Variants in RUNX1T1 observed in about 807,000 individuals in gnomAD.
RUNX1T1 encodes the protein protein CBFA2T1.
Under a neutral mutation model 62.8 loss-of-function variants are expected in RUNX1T1, and 4 were observed. That is an observed-to-expected ratio of 0.06 (90% CI 0.03 to 0.15). RUNX1T1 has a LOEUF of 0.15. RUNX1T1 is among the 10% of genes least tolerant of loss of function. The pLI, the probability that RUNX1T1 is intolerant of heterozygous loss-of-function variation, is 1.00. For missense variants in RUNX1T1, 508 were observed against 754.3 expected (o/e 0.67, Z 3.82); for synonymous variants, 291 against 286.0 (o/e 1.02, Z -0.18).
intron 1 of RUNX1T1, among the ~76,000 whole-genome samples, chr8:92,033,954 G>A (rs1197547040): frequency 1.8e-4 from 28 of 151,964 alleles, no homozygotes; most frequent in African/African-American, 6.8e-4. Context: ...GGGCAATAGA[G>A]CGAGACTCTG....
At chr8:92,089,966 C>G (rs1169281751) in intron 1 of RUNX1T1, among the ~76,000 whole-genome samples, 1 of 141,046 alleles carries the variant, frequency 7.1e-6, no homozygotes, top group African/African-American at 2.6e-5. Context: ...TTTTTTCACT[C>G]TCCTAACCCT....
Position 91,991,906 on chromosome 8 carries a change from C to T in RUNX1T1, c.660-17G>A, listed in dbSNP as rs761322862. ...TCTTTGGTTCTAAAGGGGGAAAAAA[C>T]AAGAGTTTGTTTCATCATCTATTCA... is the stretch of plus-strand genomic sequence containing the variant. On this transcript the variant is annotated splice_polypyrimidine_tract_variant and intron_variant, in intron 5 of 10. Transcript: ENST00000396218. 5 of 1,613,166 alleles carry T rather than the reference C, an allele frequency of 3.1e-6. No individual in the cohort carries two copies. Among genetic ancestry groups the T allele is most frequent in the Admixed American group, 1.7e-5 (1 of 59,942 alleles).
intron 6 of RUNX1T1, among the ~76,000 whole-genome samples, chr8:91,987,239 C>T (rs1816758454): frequency 6.6e-6 from 1 of 152,148 alleles, no homozygotes; most frequent in Non-Finnish European, 1.5e-5. Flanking sequence ...ACACCAACTC[C>T]ACAACTAGTT....
chr8:91,955,155 T>C (rs563816895), downstream of RUNX1T1: 6 of 216,206 alleles, frequency 2.8e-5, no homozygotes, highest in Non-Finnish European at 4.7e-5. Flanking sequence ...AAAAATGGCG[T>C]CCACCACCTG....
Position 91,989,490 on chromosome 8 carries a change from C to T in RUNX1T1, c.910+2149G>A, listed in dbSNP as rs563963919. Among the ~76,000 whole-genome samples the T allele has an allele frequency of 4.6e-5, 7 of 152,204 alleles. No homozygotes were observed. In the South Asian group the frequency reaches 6.2e-4, roughly 14 times the overall value. On this transcript the variant is annotated intron_variant, in intron 6 of 10. Transcript: ENST00000396218. ...GAAAATCACATAAAACCAATGGATA[C>T]AGATATAATTCATAAAGGGATATTT...
At chr8:92,060,325 AC>A (rs1831710029) in intron 1 of RUNX1T1, among the ~76,000 whole-genome samples, 1 of 151,742 alleles carries the variant, frequency 6.6e-6, no homozygotes, top group African/African-American at 2.4e-5. Flanking sequence ...GTTTTTTAAA[AC>A]CAAAATAGTT....
rs752345292 is a variant in RUNX1T1, at chr8:91,986,990, G to A, written c.911-18C>T. 7.8e-6 allele frequency: 12 copies of A among 1,538,782 alleles called. No homozygotes were observed. The South Asian group carries it at 1.2e-4, about 16-fold the overall frequency. On this transcript the variant is annotated intron_variant, in intron 6 of 10. Transcript: ENST00000396218. ...ATGCAACCCTACAAAAATAGAGAAG[G>A]CTGAATAACCCTAAAGCATTCAGTA...
intron 3 of RUNX1T1, 85 bp from the exon 5 acceptor site, chr8:92,011,176 C>T (rs1213670658): frequency 1.4e-6 from 1 of 737,664 alleles, no homozygotes; most frequent in Non-Finnish European, 2.4e-6. Context: ...AAGACTGGTA[C>T]AACACAGTGT....
intron 2 of RUNX1T1, among the ~76,000 whole-genome samples, chr8:92,016,932 G>GT (rs752106746): frequency 7.2e-5 from 11 of 152,054 alleles, no homozygotes; most frequent in Non-Finnish European, 1.6e-4. Flanking sequence ...AGTTACAGTG[G>GT]TAACAACTGG....
At chr8:92,012,231 A>G (rs1822089043) in intron 3 of RUNX1T1, among the ~76,000 whole-genome samples, 1 of 152,206 alleles carries the variant, frequency 6.6e-6, no homozygotes, top group Non-Finnish European at 1.5e-5. Flanking sequence ...TTTTGTTTCT[A>G]TGACTCCTTT....
chr8:92,048,377 T>C (rs1049388147), intron 1 of RUNX1T1, among the ~76,000 whole-genome samples: 2 of 152,110 alleles, frequency 1.3e-5, no homozygotes. Context: ...CGGATTTTAA[T>C]TCCTAAAAAT....
chr8:92,076,773 A>C (rs1400574842), intron 1 of RUNX1T1, among the ~76,000 whole-genome samples: 1 of 151,968 alleles, frequency 6.6e-6, no homozygotes, highest in Non-Finnish European at 1.5e-5. Flanking sequence ...AATAATATAA[A>C]TTTTCTCATT....
chr8:92,047,813 C>A (rs1473005696), intron 1 of RUNX1T1, among the ~76,000 whole-genome samples: 1 of 151,784 alleles, frequency 6.6e-6, no homozygotes, highest in African/African-American at 2.4e-5. Flanking sequence ...AAACAATTTG[C>A]TCCAAAATTG....
exon 7 of RUNX1T1, chr8:91,986,933 C>T (rs761010745): frequency 3.7e-6 from 6 of 1,612,468 alleles, no homozygotes; most frequent in Non-Finnish European, 3.4e-6. Context: ...GTCTGTTAGT[C>T]TGTGATCAAT....
chr8:91,962,780 G>C (rs1443956592), intron 10 of RUNX1T1, among the ~76,000 whole-genome samples: 3 of 152,184 alleles, frequency 2.0e-5, no homozygotes, highest in Non-Finnish European at 4.4e-5. Context: ...AGAGAACAGA[G>C]ACTCACATCC....
chr8:92,069,459 T>A (rs1209134631), intron 2 of RUNX1T1, among the ~76,000 whole-genome samples: 1 of 152,122 alleles, frequency 6.6e-6, no homozygotes, highest in Non-Finnish European at 1.5e-5. Context: ...TCACAGGACT[T>A]TCATCTCTAA....
intron 5 of RUNX1T1, among the ~76,000 whole-genome samples, chr8:92,002,156 C>T (rs1284021010): frequency 6.6e-6 from 1 of 152,136 alleles, no homozygotes; most frequent in Non-Finnish European, 1.5e-5. Context: ...TTTCTACTTA[C>T]TTTCCCTAAT....
At chr8:92,047,862 T>C (rs953937928) in intron 1 of RUNX1T1, among the ~76,000 whole-genome samples, 1 of 152,156 alleles carries the variant, frequency 6.6e-6, no homozygotes, top group Non-Finnish European at 1.5e-5. Context: ...CCACTTAATC[T>C]TATCTACCCA....
chr8:91,998,240 C>G (rs1819088041), intron 5 of RUNX1T1, among the ~76,000 whole-genome samples: 2 of 152,142 alleles, frequency 1.3e-5, no homozygotes, highest in African/African-American at 4.8e-5. Context: ...GGTATTGAAA[C>G]AAAATACATT....
Sources: gnomAD v4.1 joint callset for allele counts (sites outside exome capture counted in the v4.1 genomes callset) on GRCh38, gnomAD v4.1.1 for gene constraint, MANE v1.5 for transcripts, NCBI Gene and HGNC (gene_info 2026-07-23, HGNC 2026-07-21) for gene names.